The following PDE4B variants were observed in gnomAD, a reference collection of about 807,000 sequenced individuals.
PDE4B encodes the protein phosphodiesterase 4B, also known as 3',5'-cyclic-AMP phosphodiesterase 4B.
In PDE4B, 20 loss-of-function variants were observed where a neutral mutation model predicts 82.2. The ratio of observed to expected loss-of-function variants is 0.24; its 90% CI spans 0.17 to 0.35. PDE4B has a LOEUF of 0.35. PDE4B is among the 10% of genes least tolerant of loss of function. PDE4B has a pLI of 1.00. For synonymous variants in PDE4B, 320 were observed against 318.9 expected, an observed-to-expected ratio of 1.00 and a Z score of -0.04; for missense variants, 655 against 907.2, an observed-to-expected ratio of 0.72 and a Z score of 3.57.
intron 3 of PDE4B, among the ~76,000 whole-genome samples, chr1:66,200,470 A>G (rs1033329879): frequency 6.6e-6 from 1 of 152,204 alleles, no homozygotes; most frequent in African/African-American, 2.4e-5. Context: ...GATTCTTCCT[A>G]CGCGTGAGCA....
In PDE4B at chr1:65,946,835, A is replaced by G. The variant is rs1648738760; in HGVS notation, c.281+28000A>G. On this transcript the variant is annotated intron_variant, in intron 3 of 16. Coordinates refer to ENST00000341517, the MANE Select transcript of PDE4B (RefSeq NM_002600.4). ...CGTTTGGCAAATAGATCATAACAGTAGTCTCAAGTGTATTATATGTTGCAC... is the reference window on the plus strand; with the variant it reads ...CGTTTGGCAAATAGATCATAACAGTGGTCTCAAGTGTATTATATGTTGCAC... Among the ~76,000 whole-genome samples, 3 of 152,134 alleles carry G rather than the reference A, an allele frequency of 2.0e-5. No individual in the cohort carries two copies. In the South Asian group the frequency reaches 6.2e-4, roughly 32 times the overall value.
At chr1:66,241,099 G>C (rs539187653) in intron 3 of PDE4B, among the ~76,000 whole-genome samples, 2 of 152,252 alleles carry the variant, frequency 1.3e-5, no homozygotes, top group Non-Finnish European at 2.9e-5. Flanking sequence ...CTAGACTTCA[G>C]ATGAGCTGAA....
chr1:66,178,328 A>G (rs1007028848), intron 3 of PDE4B, among the ~76,000 whole-genome samples: 2 of 152,158 alleles, frequency 1.3e-5, no homozygotes, highest in Admixed American at 1.3e-4. Flanking sequence ...TATTAAAAAC[A>G]GGCTGTGGCA....
intron 6 of PDE4B, 31 bp downstream of exon 6, chr1:66,257,894 TCCCTAACA>T: frequency 6.6e-7 from 1 of 1,522,178 alleles, no homozygotes. Flanking sequence ...GGAGTTTGAA[TCCCTAACA>T]TAAAGGCAAA....
At chr1:66,244,541 C>T (rs181045271) in intron 3 of PDE4B, among the ~76,000 whole-genome samples, 1 of 152,058 alleles carries the variant, frequency 6.6e-6, no homozygotes, top group Non-Finnish European at 1.5e-5. Context: ...TTCCCTTTGC[C>T]CACACCCCTC....
chr1:66,088,473 T>G (rs1055559065), intron 3 of PDE4B, among the ~76,000 whole-genome samples: 1 of 152,052 alleles, frequency 6.6e-6, no homozygotes, highest in Admixed American at 6.6e-5. Context: ...ACAATGCTAT[T>G]AATATAACCT....
At chr1:66,082,744 T>G (rs1462721066) in intron 3 of PDE4B, among the ~76,000 whole-genome samples, 2 of 152,042 alleles carry the variant, frequency 1.3e-5, no homozygotes, top group Admixed American at 1.3e-4. Flanking sequence ...ATCCATTTGA[T>G]TTGTTTTCCA....
intron 4 of PDE4B, among the ~76,000 whole-genome samples, chr1:66,255,924 G>C (rs115913248): frequency 0.026 from 3,959 of 152,324 alleles, 160 homozygotes; most frequent in African/African-American, 0.091. Context: ...CCAGCACTTG[G>C]GAGGCCAAAG....
In PDE4B at chr1:66,368,038, C is replaced by G; in HGVS notation, c.1635C>G (p.Leu545=). 1 of 1,613,808 alleles carries G rather than the reference C, an allele frequency of 6.2e-7. No homozygotes were observed. Among genetic ancestry groups the G allele is most frequent in the Non-Finnish European group, 8.5e-7 (1 of 1,179,824 alleles). ...TKKVTSSGVL[L]LDNYTDRIQV... is the part of the protein sequence containing the mutation. ...AAGTTACAAGTTCAGGCGTTCTTCTCCTAGACAACTATACCGATCGCATTC... is the reference window on the plus strand; with the variant it reads ...AAGTTACAAGTTCAGGCGTTCTTCTGCTAGACAACTATACCGATCGCATTC... Residue 545 remains leucine (L), a synonymous_variant, in exon 15 of 17, where the codon CTC becomes CTG. Coordinates refer to ENST00000341517, the MANE Select transcript of PDE4B (RefSeq NM_002600.4).
intron 1 of PDE4B, among the ~76,000 whole-genome samples, chr1:65,870,155 A>T (rs1646557116): frequency 6.6e-6 from 1 of 152,200 alleles, no homozygotes; most frequent in Non-Finnish European, 1.5e-5. Context: ...ATTGTTTCCC[A>T]AGAGGGTTAG....
chr1:65,985,687 G>A (rs1650919293), intron 3 of PDE4B, among the ~76,000 whole-genome samples: 1 of 152,076 alleles, frequency 6.6e-6, no homozygotes, highest in Non-Finnish European at 1.5e-5. Flanking sequence ...TTAGGTATCT[G>A]ACTCATCCTT....
intron 1 of PDE4B, among the ~76,000 whole-genome samples, chr1:65,844,252 G>A (rs1646243001): frequency 3.3e-5 from 5 of 152,196 alleles, no homozygotes; most frequent in Admixed American, 3.3e-4. Context: ...ACTGGGTGCT[G>A]TACTGGATAA....
In PDE4B at chr1:66,040,631, AAGT is replaced by A. The variant is rs1654315122; in HGVS notation, c.281+121800_281+121802del. Among the ~76,000 whole-genome samples, 3 of 152,054 alleles carry A rather than the reference AAGT, an allele frequency of 2.0e-5. No individual in the cohort carries two copies. In the South Asian group the frequency reaches 6.2e-4, roughly 31 times the overall value. Reference sequence around the variant, plus strand: ...AGGTTTGATGAAAGACTGGGAATAAAAGTAGTTGCATTTCTAGAACAGCATGAA... The same window carrying A: ...AGGTTTGATGAAAGACTGGGAATAAAAGTTGCATTTCTAGAACAGCATGAA... On this transcript the variant is annotated intron_variant, in intron 3 of 16. Transcript: ENST00000341517.
At chr1:65,868,720 G>A (rs1054982561) in intron 1 of PDE4B, among the ~76,000 whole-genome samples, 34 of 152,298 alleles carry the variant, frequency 2.2e-4, no homozygotes, top group African/African-American at 7.5e-4. Flanking sequence ...CCACGCAGCC[G>A]CAGGTGAGCT....
At chr1:66,184,832 G>C (rs532395932) in intron 3 of PDE4B, among the ~76,000 whole-genome samples, 2 of 145,374 alleles carry the variant, frequency 1.4e-5, no homozygotes, top group Admixed American at 1.4e-4. Flanking sequence ...ACTTTATTGT[G>C]CCCCAGTTTA....
At chr1:66,236,643 T>C (rs1466586920) in intron 3 of PDE4B, among the ~76,000 whole-genome samples, 1 of 152,174 alleles carries the variant, frequency 6.6e-6, no homozygotes, top group East Asian at 1.9e-4. Flanking sequence ...ACAGCTTGAT[T>C]GTTTGCTCAT....
At chr1:66,291,406 A>G (rs1657069404) in intron 7 of PDE4B, among the ~76,000 whole-genome samples, 1 of 152,196 alleles carries the variant, frequency 6.6e-6, no homozygotes, top group African/African-American at 2.4e-5. Flanking sequence ...TGCTGGATCA[A>G]GCTGTTGTAT....
At chr1:65,860,469 G>C (rs569147878) in intron 1 of PDE4B, among the ~76,000 whole-genome samples, 3 of 152,016 alleles carry the variant, frequency 2.0e-5, no homozygotes, top group Non-Finnish European at 4.4e-5. Context: ...GGGTTGGTTC[G>C]AAGTCTTTGC....
intron 8 of PDE4B, chr1:66,354,716 T>G: frequency 6.9e-7 from 1 of 1,439,724 alleles, no homozygotes; most frequent in South Asian, 1.5e-5. Flanking sequence ...TGGAGGTTTT[T>G]GTCTTTTCTA....
Sources: gnomAD v4.1 joint callset for allele counts (sites outside exome capture counted in the v4.1 genomes callset) on GRCh38, gnomAD v4.1.1 for gene constraint, MANE v1.5 for transcripts, NCBI Gene and HGNC (gene_info 2026-07-23, HGNC 2026-07-21) for gene names.